The following PTPRD variants were observed in gnomAD, a reference collection of about 807,000 sequenced individuals.
PTPRD encodes protein tyrosine phosphatase receptor type D, also known as receptor-type tyrosine-protein phosphatase delta.
Under a neutral mutation model 214.5 loss-of-function variants are expected in PTPRD, and 34 were observed. The observed-to-expected ratio is 0.16, with a 90% CI of 0.12 to 0.21. The LOEUF (loss-of-function observed/expected upper bound fraction) is 0.21, where lower values mean the gene tolerates loss of function less well. Among genes scored for constraint, PTPRD ranks in the 10% least tolerant of loss-of-function variants. The pLI, the probability that PTPRD is intolerant of heterozygous loss-of-function variation, is 1.00. For synonymous variants in PTPRD, 1,128 were observed against 845.7 expected, an observed-to-expected ratio of 1.33 and a Z score of -5.79; for missense variants, 2,545 against 2,398.7, an observed-to-expected ratio of 1.06 and a Z score of -1.27.
Position 9,445,486 on chromosome 9 carries a change from T to C in PTPRD, c.-236-48004A>G, listed in dbSNP as rs576690536. ...TGCTCGGGACTGGATAATTCATAAA[T>C]GAAAGAGGTTTAATTGACTCATAGT... On this transcript the variant is annotated intron_variant, in intron 8 of 45. Coordinates refer to ENST00000381196, the MANE Select transcript of PTPRD (RefSeq NM_002839.4). Among the ~76,000 whole-genome samples, 5 of 152,236 alleles carry C rather than the reference T, an allele frequency of 3.3e-5. No homozygotes were observed. The East Asian group carries it at 7.7e-4, about 24-fold the overall frequency.
intron 2 of PTPRD, among the ~76,000 whole-genome samples, chr9:10,395,105 A>C (rs747106866): frequency 1.3e-5 from 2 of 149,304 alleles, no homozygotes; most frequent in Non-Finnish European, 3.0e-5. Context: ...TCTTTTTATT[A>C]TTATTATTAT....
intron 10 of PTPRD, among the ~76,000 whole-genome samples, chr9:9,047,092 A>C (rs1009879667): frequency 6.6e-6 from 1 of 152,206 alleles, no homozygotes; most frequent in Non-Finnish European, 1.5e-5. Flanking sequence ...AACATTAAAA[A>C]TCGGTAGCAT....
intron 2 of PTPRD, among the ~76,000 whole-genome samples, chr9:10,570,673 C>G (rs1158198352): frequency 6.6e-6 from 1 of 152,108 alleles, no homozygotes; most frequent in Non-Finnish European, 1.5e-5. Flanking sequence ...TCAGGACCAT[C>G]TACCCATTCA....
intron 39 of PTPRD, among the ~76,000 whole-genome samples, chr9:8,367,244 A>G (rs989522081): frequency 2.0e-5 from 3 of 152,090 alleles, no homozygotes; most frequent in African/African-American, 4.8e-5. Context: ...TTTTTAAGTT[A>G]GAAGCTTTGA....
chr9:9,901,965 T>G (rs1229166331), intron 5 of PTPRD, among the ~76,000 whole-genome samples: 1 of 152,224 alleles, frequency 6.6e-6, no homozygotes, highest in Non-Finnish European at 1.5e-5. Flanking sequence ...GATTGTATGA[T>G]CTGTAATTTT....
At chr9:10,198,220 C>T (rs2099405543) in intron 3 of PTPRD, among the ~76,000 whole-genome samples, 1 of 152,018 alleles carries the variant, frequency 6.6e-6, no homozygotes, top group Admixed American at 6.6e-5. Flanking sequence ...ATAAGAAGAA[C>T]TAACAACAAG....
At chr9:10,298,083 T>C (rs1230389275) in intron 3 of PTPRD, among the ~76,000 whole-genome samples, 1 of 152,148 alleles carries the variant, frequency 6.6e-6, no homozygotes, top group African/African-American at 2.4e-5. Flanking sequence ...TATCCTTTAA[T>C]TTGGAGGCGC....
intron 14 of PTPRD, among the ~76,000 whole-genome samples, chr9:8,618,906 GTTTTTTTGTTTTTT>G (rs1564758019): frequency 4.4e-4 from 43 of 96,842 alleles, no homozygotes; most frequent in African/African-American, 1.6e-3. Flanking sequence ...GTTTGTCTGT[GTTTTTTTGTTTTTT>G]TTTTTTTTTT....
intron 2 of PTPRD, among the ~76,000 whole-genome samples, chr9:10,591,344 A>C (rs2075392239): frequency 6.6e-6 from 1 of 152,080 alleles, no homozygotes; most frequent in Admixed American, 6.6e-5. Flanking sequence ...TGTAAAAAGC[A>C]CCATGCCTGT....
chr9:8,550,145 T>C (rs2081572654), intron 14 of PTPRD, among the ~76,000 whole-genome samples: 2 of 152,174 alleles, frequency 1.3e-5, no homozygotes, highest in South Asian at 4.1e-4. Context: ...CAATTTATAT[T>C]ATTAGGAAAA....
chr9:9,495,966 C>A (rs572062410), intron 8 of PTPRD, among the ~76,000 whole-genome samples: 120 of 152,286 alleles, frequency 7.9e-4, no homozygotes, highest in Middle Eastern at 3.4e-3. Flanking sequence ...CCACCTCAGG[C>A]CCCGCATGAA....
intron 2 of PTPRD, among the ~76,000 whole-genome samples, chr9:10,447,756 TAAG>T (rs1406749574): frequency 6.6e-6 from 1 of 152,012 alleles, no homozygotes; most frequent in East Asian, 1.9e-4. Flanking sequence ...ATTCTTCAAG[TAAG>T]AAGGTCAGAC....
intron 10 of PTPRD, among the ~76,000 whole-genome samples, chr9:9,089,241 T>C (rs1334958905): frequency 5.9e-5 from 9 of 152,176 alleles, no homozygotes; most frequent in Admixed American, 5.9e-4. Flanking sequence ...AGAGAATAAA[T>C]ATTTTAGGCC....
At chr9:8,482,191 C>A (rs763672498) in intron 30 of PTPRD, among the ~76,000 whole-genome samples, 2 of 152,086 alleles carry the variant, frequency 1.3e-5, no homozygotes, top group Non-Finnish European at 2.9e-5. Flanking sequence ...ATTTTTTTAT[C>A]CTTTAGGATG....
At chr9:10,429,387 A>G (rs1000692330) in intron 2 of PTPRD, among the ~76,000 whole-genome samples, 11 of 152,026 alleles carry the variant, frequency 7.2e-5, no homozygotes, top group Non-Finnish European at 1.3e-4. Context: ...CTGCAGTTTC[A>G]TGTTAATCTC....
chr9:10,195,707 GATAAAAAA>G (rs2099395326), intron 3 of PTPRD, among the ~76,000 whole-genome samples: 1 of 151,984 alleles, frequency 6.6e-6, no homozygotes, highest in Non-Finnish European at 1.5e-5. Context: ...TACCAAATAA[GATAAAAAA>G]ATAAATAAAG....
intron 7 of PTPRD, among the ~76,000 whole-genome samples, chr9:9,595,350 A>G (rs2093228244): frequency 6.8e-6 from 1 of 145,994 alleles, no homozygotes. Flanking sequence ...TTGTATATTC[A>G]TCATATATAT....
rs956955451 is a variant in PTPRD, at chr9:8,632,149, C to CTG, written c.352+1166_352+1167dup. Among the ~76,000 whole-genome samples, 71 of 114,420 alleles carry CTG rather than the reference C, an allele frequency of 6.2e-4. 1 individual carries two copies. The highest frequency in any genetic ancestry group is 4.2e-3 in the Middle Eastern group (1 of 238). 75.1% of individuals were successfully genotyped at this position (114,420 alleles called of 152,430 possible). ...TGTGTGTGTGTGTGTGTGTGTGTGTCTGTGTGTGTGTGTGTTTAGTTTCAA... is the reference window on the plus strand; with the variant it reads ...TGTGTGTGTGTGTGTGTGTGTGTGTCTGTGTGTGTGTGTGTGTTTAGTTTCAA... On this transcript the variant is annotated intron_variant, in intron 14 of 45. Coordinates refer to ENST00000381196, the MANE Select transcript of PTPRD (RefSeq NM_002839.4).
chr9:8,501,103 A>C (rs770077069), intron 23 of PTPRD, 44 bp from the exon 24 acceptor site: 1 of 1,443,462 alleles, frequency 6.9e-7, no homozygotes. Context: ...GTGAAAGGAC[A>C]GGAGTGGTTG....
Sources: allele counts gnomAD v4.1 joint callset (sites outside exome capture counted in the v4.1 genomes callset), GRCh38; gene constraint gnomAD v4.1.1; transcripts MANE v1.5; gene names NCBI Gene and HGNC (gene_info 2026-07-23, HGNC 2026-07-21).